PKN2: variants seen among roughly 807,000 people sequenced by gnomAD.
PKN2 encodes the protein serine/threonine-protein kinase N2.
PKN2 carries 38 observed loss-of-function variants against 119.1 expected under a neutral mutation model. The ratio of observed to expected loss-of-function variants is 0.32; its 90% CI spans 0.25 to 0.42. The LOEUF (loss-of-function observed/expected upper bound fraction) is 0.42, where lower values mean the gene tolerates loss of function less well. Ranked by LOEUF, PKN2 falls within the 10% of genes least tolerant of loss-of-function variation. The pLI, the probability that PKN2 is intolerant of heterozygous loss-of-function variation, is 1.00. For missense variants in PKN2, 850 were observed against 1,165.1 expected, an observed-to-expected ratio of 0.73 and a Z score of 3.94; for synonymous variants, 390 against 384.9, an observed-to-expected ratio of 1.01 and a Z score of -0.15.
chr1:88,730,399 T>C (rs1190692871), intron 1 of PKN2, among the ~76,000 whole-genome samples: 1 of 152,182 alleles, frequency 6.6e-6, no homozygotes, highest in Non-Finnish European at 1.5e-5. Context: ...AGGCTCTCTC[T>C]CTTTCTGCTC....
chr1:88,727,569 A>C (rs1557569753), intron 1 of PKN2, among the ~76,000 whole-genome samples: 1 of 152,186 alleles, frequency 6.6e-6, no homozygotes, highest in Non-Finnish European at 1.5e-5. Context: ...GTGAGGGCTT[A>C]AGTTTGCTAT....
At chr1:88,784,572 G>T in intron 6 of PKN2, 67 bp from the exon 7 acceptor site, 1 of 992,790 alleles carries the variant, frequency 1.0e-6, no homozygotes, top group Non-Finnish European at 1.4e-6. Context: ...ATAGGTAAGA[G>T]ATTTAGATTA....
intron 8 of PKN2, among the ~76,000 whole-genome samples, chr1:88,800,245 T>A (rs193190776): frequency 3.1e-4 from 47 of 152,352 alleles, no homozygotes; most frequent in African/African-American, 9.6e-4. Context: ...GTTCCATTTA[T>A]TAAGAAGTGC....
chr1:88,706,351 A>G (rs570390155), intron 1 of PKN2, among the ~76,000 whole-genome samples: 266 of 152,278 alleles, frequency 1.7e-3, no homozygotes, highest in Admixed American at 6.7e-3. Context: ...AACTTTGCTG[A>G]ATTCATTTAG....
intron 1 of PKN2, among the ~76,000 whole-genome samples, chr1:88,723,410 G>GCCCCCCCC (rs35424856): frequency 1.6e-5 from 2 of 125,128 alleles, no homozygotes; most frequent in Non-Finnish European, 3.3e-5. Context: ...ACCGTGCCCT[G>GCCCCCCCC]CCCCCCCCCC....
chr1:88,729,360 G>C (rs1054435356), intron 1 of PKN2, among the ~76,000 whole-genome samples: 4 of 152,174 alleles, frequency 2.6e-5, no homozygotes, highest in African/African-American at 9.7e-5. Context: ...AGCATAGCAA[G>C]CTCATCTCAA....
At chr1:88,797,596 T>A (rs1045039079) in intron 8 of PKN2, among the ~76,000 whole-genome samples, 4 of 149,126 alleles carry the variant, frequency 2.7e-5, no homozygotes, top group Admixed American at 6.7e-5. Flanking sequence ...GAGCGGAGAT[T>A]GCGCCACTGC....
At chr1:88,780,578 G>C (rs1278160360) in intron 6 of PKN2, among the ~76,000 whole-genome samples, 3 of 152,036 alleles carry the variant, frequency 2.0e-5, no homozygotes, top group Admixed American at 2.0e-4. Flanking sequence ...ATCAAAACTG[G>C]AATATAGACC....
At chr1:88,734,095 T>C (rs1311995797) in intron 1 of PKN2, among the ~76,000 whole-genome samples, 2 of 151,864 alleles carry the variant, frequency 1.3e-5, no homozygotes, top group Non-Finnish European at 2.9e-5. Flanking sequence ...TGTTTCAAGG[T>C]TGCTAATGAG....
intron 17 of PKN2, 121 bp downstream of exon 17, chr1:88,822,124 G>GA: frequency 1.1e-6 from 1 of 903,142 alleles, no homozygotes; most frequent in Non-Finnish European, 1.5e-6. Context: ...TCCTTCACCT[G>GA]TAAGTCAAAC....
chr1:88,752,634 C>T (rs1001526215), intron 2 of PKN2, among the ~76,000 whole-genome samples: 1 of 152,118 alleles, frequency 6.6e-6, no homozygotes, highest in Non-Finnish European at 1.5e-5. Context: ...ATTGAACCTT[C>T]TATTAAAATG....
chr1:88,748,835 T>A (rs1215084093), intron 2 of PKN2, among the ~76,000 whole-genome samples: 1 of 152,114 alleles, frequency 6.6e-6, no homozygotes, highest in African/African-American at 2.4e-5. Flanking sequence ...CTTGGGAGGC[T>A]GAGGTGGGAG....
intron 8 of PKN2, among the ~76,000 whole-genome samples, chr1:88,794,028 C>T (rs1670955002): frequency 6.6e-6 from 1 of 152,112 alleles, no homozygotes; most frequent in Non-Finnish European, 1.5e-5. Flanking sequence ...TACCTTTACT[C>T]CTTTGTCATT....
chr1:88,832,896 AT>A (rs1353148311), intron 20 of PKN2, 45 bp downstream of exon 20: 2 of 1,294,042 alleles, frequency 1.5e-6, no homozygotes, highest in Non-Finnish European at 2.2e-6. Flanking sequence ...GACTACTTTA[AT>A]TTTTTATACT....
At chr1:88,751,916 C>T (rs1669016073) in intron 2 of PKN2, among the ~76,000 whole-genome samples, 1 of 152,150 alleles carries the variant, frequency 6.6e-6, no homozygotes, top group South Asian at 2.1e-4. Context: ...GTTGAGGAAA[C>T]AGCTGCCAGT....
At chr1:88,822,105 T>A in intron 17 of PKN2, 102 bp downstream of exon 17, 3 of 1,079,544 alleles carry the variant, frequency 2.8e-6, no homozygotes, top group Non-Finnish European at 3.7e-6. Flanking sequence ...AACCAGTTTC[T>A]TAGTTTTCTC....
At chr1:88,749,404 A>C (rs1045699694) in intron 2 of PKN2, among the ~76,000 whole-genome samples, 4 of 33,020 alleles carry the variant, frequency 1.2e-4, no homozygotes, top group Admixed American at 2.8e-4. Flanking sequence ...ACTCCGTCTC[A>C]AAAAAAAAAA....
intron 8 of PKN2, among the ~76,000 whole-genome samples, chr1:88,796,571 C>T (rs1671077376): frequency 6.6e-6 from 1 of 151,962 alleles, no homozygotes; most frequent in South Asian, 2.1e-4. Context: ...ATGTTTTTTC[C>T]CCTCTGATGA....
chr1:88,804,931 A>G lies in PKN2; in HGVS notation c.1501+10A>G, dbSNP rs1481575581. 3.1e-6 allele frequency: 4 copies of G among 1,298,384 alleles called. No individual in the cohort carries two copies. The highest frequency in any genetic ancestry group is 4.4e-6 in the Non-Finnish European group (4 of 906,246). 80.4% of individuals were successfully genotyped at this position (1,298,384 alleles called of 1,614,324 possible). On this transcript the variant is annotated intron_variant, in intron 10 of 21. Coordinates refer to ENST00000370521, the MANE Select transcript of PKN2 (RefSeq NM_006256.4). ...TTTTCAAAGCAACAAGGTAATTACT[A>G]ACAATCAAATGCATAGCATTTTGAT...
Sources: allele counts gnomAD v4.1 joint callset (sites outside exome capture counted in the v4.1 genomes callset), GRCh38; gene constraint gnomAD v4.1.1; transcripts MANE v1.5; gene names NCBI Gene and HGNC (gene_info 2026-07-23, HGNC 2026-07-21).